UNC13C: variants seen among roughly 807,000 people sequenced by gnomAD.
The protein encoded by UNC13C is protein unc-13 homolog C.
UNC13C carries 174 observed loss-of-function variants against 245.4 expected under a neutral mutation model. The observed-to-expected ratio is 0.71, with a 90% CI of 0.63 to 0.80. The LOEUF is 0.80. UNC13C is among the 30% of genes least tolerant of loss of function. The probability of loss-of-function intolerance (pLI) is 0.00; values close to 1 mark genes in which losing one functional copy is unlikely to be tolerated. For synonymous variants in UNC13C, 992 were observed against 895.1 expected (o/e 1.11, Z -1.93); for missense variants, 2,829 against 2,602.9 (o/e 1.09, Z -1.89).
chr15:54,574,699 A>T (rs1000814890), intron 30 of UNC13C, among the ~76,000 whole-genome samples: 1 of 152,210 alleles, frequency 6.6e-6, no homozygotes, highest in South Asian at 2.1e-4. Flanking sequence ...GTTAATGCCT[A>T]TGTGAATTAA....
chr15:54,554,715 T>C (rs1289947155), intron 28 of UNC13C, among the ~76,000 whole-genome samples: 1 of 152,036 alleles, frequency 6.6e-6, no homozygotes, highest in Non-Finnish European at 1.5e-5. Flanking sequence ...TGTATCAGTT[T>C]TGGGGGATCA....
chr15:54,012,153 TTATG>T (rs938544667), intron 1 of UNC13C, among the ~76,000 whole-genome samples: 5 of 152,188 alleles, frequency 3.3e-5, no homozygotes, highest in Non-Finnish European at 5.9e-5. Context: ...GATTATTTAT[TTATG>T]TGGTCAGAAA....
the UNC13C span, among the ~76,000 whole-genome samples, chr15:53,849,833 G>A: frequency 2.6e-5 from 4 of 152,066 alleles, no homozygotes; most frequent in Non-Finnish European, 5.9e-5. Flanking sequence ...GCGTGATGCA[G>A]GCCACTGTAA....
rs200043952 is a variant in UNC13C, at chr15:54,015,669, T to C, written c.2766T>C (p.Tyr922=). 2.8e-4 allele frequency: 447 copies of C among 1,613,708 alleles called. No homozygotes were observed. Among genetic ancestry groups the C allele is most frequent in the Non-Finnish European group, 3.6e-4 (420 of 1,179,760 alleles). The change falls in exon 2 of 33, where the codon TAT becomes TAC. Residue 922 remains tyrosine (Y), a synonymous_variant. Transcript: ENST00000260323. ...ATGAAACCCCACAAGATGAGGGTTA[T>C]GATGGTCCAGCAGATGATATGGTTA... ...TPYETPQDEG[Y]DGPADDMVSE...
upstream of UNC13C, chr15:53,976,763 T>C (rs1163274836): frequency 6.6e-6 from 1 of 152,172 alleles, no homozygotes; most frequent in East Asian, 1.9e-4. Context: ...CGTATGCACA[T>C]TTACCTTATT....
the UNC13C span, among the ~76,000 whole-genome samples, chr15:53,837,907 G>A: frequency 2.2e-3 from 327 of 152,006 alleles, 1 homozygote; most frequent in Non-Finnish European, 3.4e-3. Context: ...GTATCTTATT[G>A]GTCTGAGTTT....
the UNC13C span, among the ~76,000 whole-genome samples, chr15:53,897,247 G>C: frequency 6.6e-6 from 1 of 152,174 alleles, no homozygotes; most frequent in East Asian, 1.9e-4. Flanking sequence ...AGACAATCAA[G>C]CTCATTGAAT....
the UNC13C span, among the ~76,000 whole-genome samples, chr15:53,942,964 A>G: frequency 6.6e-6 from 1 of 152,294 alleles, no homozygotes; most frequent in Non-Finnish European, 1.5e-5. Context: ...TGCCCAGCCT[A>G]TCCTGTAGTT....
At chr15:54,168,467 T>C (rs950726676) in intron 4 of UNC13C, among the ~76,000 whole-genome samples, 3 of 152,208 alleles carry the variant, frequency 2.0e-5, no homozygotes, top group Non-Finnish European at 4.4e-5. Context: ...TCATTTTTAT[T>C]GTAATTGGTT....
At chr15:53,942,927 T>A in the UNC13C span, among the ~76,000 whole-genome samples, 1 of 152,248 alleles carries the variant, frequency 6.6e-6, no homozygotes, top group African/African-American at 2.4e-5. Context: ...TCTCCCAAAG[T>A]GCTGGGATTG....
intron 4 of UNC13C, among the ~76,000 whole-genome samples, chr15:54,184,302 C>T (rs559662315): frequency 8.0e-4 from 121 of 151,972 alleles, no homozygotes; most frequent in Admixed American, 1.6e-3. Context: ...TTTCAGGGTA[C>T]GTGTGCACAA....
At chr15:54,087,084 T>C (rs1899286734) in intron 2 of UNC13C, among the ~76,000 whole-genome samples, 1 of 152,186 alleles carries the variant, frequency 6.6e-6, no homozygotes, top group African/African-American at 2.4e-5. Flanking sequence ...AGCACTATTT[T>C]CCTGTCTTCT....
In UNC13C at chr15:54,013,293, A is replaced by G. The variant is rs753553994; in HGVS notation, c.390A>G (p.Ser130=). 3 of 1,613,858 alleles carry G rather than the reference A, an allele frequency of 1.9e-6. No individual in the cohort carries two copies. The highest frequency in any genetic ancestry group is 2.5e-6 in the Non-Finnish European group (3 of 1,179,854). ...LSSIESSYSE[S]LNELRSSTEN... is the part of the protein sequence containing the mutation. Reference sequence around the variant, plus strand: ...CAATCGAGAGTTCCTACTCAGAATCATTAAATGAACTAAGGAGTAGCACAG... The same window carrying G: ...CAATCGAGAGTTCCTACTCAGAATCGTTAAATGAACTAAGGAGTAGCACAG... Residue 130 remains serine, a synonymous_variant, in exon 2 of 33, where the codon TCA becomes TCG. Coordinates refer to ENST00000260323, the MANE Select transcript of UNC13C (RefSeq NM_001080534.3).
intron 19 of UNC13C, among the ~76,000 whole-genome samples, chr15:54,416,275 C>T (rs77601593): frequency 0.031 from 4,697 of 152,114 alleles, 188 homozygotes; most frequent in Admixed American, 0.12. Flanking sequence ...GGTTTTATAG[C>T]GTTCGTGTTT....
At chr15:54,409,363 TG>T (rs1316514870) in intron 18 of UNC13C, among the ~76,000 whole-genome samples, 1 of 152,156 alleles carries the variant, frequency 6.6e-6, no homozygotes, top group Non-Finnish European at 1.5e-5. Context: ...TGGGGGTTTT[TG>T]TTTTGCTTTT....
At chr15:54,068,138 A>G (rs988166291) in intron 2 of UNC13C, among the ~76,000 whole-genome samples, 12 of 152,278 alleles carry the variant, frequency 7.9e-5, no homozygotes, top group Non-Finnish European at 1.8e-4. Flanking sequence ...GTGTTAAGGA[A>G]AGCCCCAAAG....
intron 4 of UNC13C, among the ~76,000 whole-genome samples, chr15:54,221,030 T>G (rs951421546): frequency 6.6e-6 from 1 of 152,064 alleles, no homozygotes; most frequent in Non-Finnish European, 1.5e-5. Context: ...TCTGATGAAG[T>G]CTAATTCCAA....
rs79551328 is a variant in UNC13C, at chr15:54,521,340, G to A, written c.5458-4209G>A. Among the ~76,000 whole-genome samples the A allele has an allele frequency of 5.6e-3, 849 of 152,214 alleles. 26 individuals carry two copies. The highest frequency in any genetic ancestry group is 0.039 in the Admixed American group (601 of 15,292). On this transcript the variant is annotated intron_variant, in intron 24 of 32. Coordinates refer to ENST00000260323, the MANE Select transcript of UNC13C (RefSeq NM_001080534.3). ...CACAGGAAAGATAGCTTTGTAGCTC[G>A]TAGGAAATGAAGGAAATGAGATAGT...
At chr15:54,185,256 C>A (rs1008729635) in intron 4 of UNC13C, among the ~76,000 whole-genome samples, 3 of 152,020 alleles carry the variant, frequency 2.0e-5, no homozygotes, top group African/African-American at 7.3e-5. Context: ...TTTTGCTGTG[C>A]AGAAGCTCTT....
Sources: allele counts gnomAD v4.1 joint callset (sites outside exome capture counted in the v4.1 genomes callset), GRCh38; gene constraint gnomAD v4.1.1; transcripts MANE v1.5; gene names NCBI Gene and HGNC (gene_info 2026-07-23, HGNC 2026-07-21).